Variants in INPP4B observed in about 807,000 individuals in gnomAD.
INPP4B encodes inositol polyphosphate 4-phosphatase type II.
A neutral mutation model predicts 122.5 loss-of-function variants in INPP4B; 55 were observed. That is an observed-to-expected ratio of 0.45 (90% CI 0.36 to 0.56). The LOEUF (loss-of-function observed/expected upper bound fraction) is 0.56. Among genes scored for constraint, INPP4B ranks in the 20% least tolerant of loss-of-function variants. The probability of loss-of-function intolerance (pLI) is 0.00; values close to 1 mark genes in which losing one functional copy is unlikely to be tolerated. For missense variants in INPP4B, 1,000 were observed against 1,097.7 expected (o/e 0.91, Z 1.26); for synonymous variants, 403 against 388.7 (o/e 1.04, Z -0.43).
At chr4:142,259,826 CA>C (rs1473343360) in intron 11 of INPP4B, among the ~76,000 whole-genome samples, 2 of 151,788 alleles carry the variant, frequency 1.3e-5, no homozygotes, top group Non-Finnish European at 2.9e-5. Context: ...AAAACTGAGA[CA>C]AAAACACACA....
intron 23 of INPP4B, among the ~76,000 whole-genome samples, chr4:142,094,315 C>T (rs1017653809): frequency 1.3e-5 from 2 of 152,170 alleles, no homozygotes; most frequent in Non-Finnish European, 2.9e-5. Context: ...TGCCCATACT[C>T]AAGTGGCCTA....
At chr4:142,841,155 T>A (rs907565649) in intron 1 of INPP4B, among the ~76,000 whole-genome samples, 13 of 152,142 alleles carry the variant, frequency 8.5e-5, no homozygotes, top group African/African-American at 3.1e-4. Context: ...AAGTTTCGCA[T>A]AAGAAGATGT....
chr4:142,654,410 T>C (rs1346778555), intron 2 of INPP4B: 1 of 143,554 alleles, frequency 7.0e-6, no homozygotes, highest in African/African-American at 2.6e-5. Context: ...GTTAGAGAAC[T>C]GAGACCATAA....
chr4:142,616,552 T>C (rs1182647169), intron 2 of INPP4B, among the ~76,000 whole-genome samples: 1 of 152,176 alleles, frequency 6.6e-6, no homozygotes, highest in Admixed American at 6.6e-5. Flanking sequence ...ACCCCAACAC[T>C]TCTAAATTTT....
At chr4:142,673,531 A>G (rs758231173) in intron 2 of INPP4B, among the ~76,000 whole-genome samples, 15 of 151,898 alleles carry the variant, frequency 9.9e-5, no homozygotes, top group Non-Finnish European at 2.2e-4. Flanking sequence ...ATTTCCTTGT[A>G]CTCTCCCACC....
At chr4:142,801,760 T>C (rs1778030273) in intron 1 of INPP4B, among the ~76,000 whole-genome samples, 1 of 152,098 alleles carries the variant, frequency 6.6e-6, no homozygotes, top group Non-Finnish European at 1.5e-5. Flanking sequence ...CTCCCAGATT[T>C]TTAGTTTCAG....
At chr4:142,672,257 GGA>G (rs965517164) in intron 2 of INPP4B, among the ~76,000 whole-genome samples, 13 of 152,154 alleles carry the variant, frequency 8.5e-5, no homozygotes, top group Non-Finnish European at 2.9e-5. Flanking sequence ...TCAGTGAATA[GGA>G]GAGAGATTGG....
chr4:142,590,453 A>G lies in INPP4B; in HGVS notation c.-190-127727T>C, dbSNP rs1476639545. On this transcript the variant is annotated intron_variant, in intron 2 of 25. Coordinates refer to ENST00000262992, the MANE Select transcript of INPP4B (RefSeq NM_001101669.3). ...GATCTGTACATAAGCACTGTACTCT[A>G]GTTGATAAAATTGCTTGGCCCATAG... 2.0e-5 allele frequency among the ~76,000 whole-genome samples: 3 copies of G among 152,222 alleles called. 1 individual carries two copies. Among genetic ancestry groups the G allele is most frequent in the South Asian group, 4.1e-4 (2 of 4,828 alleles).
intron 2 of INPP4B, among the ~76,000 whole-genome samples, chr4:142,513,446 C>T (rs1011165887): frequency 6.6e-6 from 1 of 151,764 alleles, no homozygotes; most frequent in Non-Finnish European, 1.5e-5. Flanking sequence ...TCCCTCTTGT[C>T]CCCCAGGCTG....
In INPP4B at chr4:142,027,316, G is replaced by C. The variant is rs923536310; in HGVS notation, c.*1466C>G. 3 of 152,180 alleles carry C rather than the reference G, an allele frequency of 2.0e-5. No individual in the cohort carries two copies. Among genetic ancestry groups the C allele is most frequent in the African/African-American group, 7.2e-5 (3 of 41,446 alleles). 9.4% of individuals were successfully genotyped at this position (152,180 alleles called of 1,614,324 possible). ...TTATTTCAACAGGAATCCTAGGCAAGGAGCTATCACATTAGCTATGGGAAG... is the reference window on the plus strand; with the variant it reads ...TTATTTCAACAGGAATCCTAGGCAACGAGCTATCACATTAGCTATGGGAAG... On this transcript the variant is annotated 3_prime_UTR_variant, in exon 26 of 26. Transcript: ENST00000262992.
chr4:142,418,186 T>C (rs1472199468), intron 5 of INPP4B, among the ~76,000 whole-genome samples: 1 of 152,162 alleles, frequency 6.6e-6, no homozygotes, highest in Non-Finnish European at 1.5e-5. Context: ...AAATATAATA[T>C]ATTCATTTGC....
intron 2 of INPP4B, among the ~76,000 whole-genome samples, chr4:142,683,988 C>T (rs1560957958): frequency 1.3e-5 from 2 of 151,972 alleles, no homozygotes; most frequent in South Asian, 4.2e-4. Context: ...CAAAGGAGAA[C>T]ATGGTGTGTT....
At chr4:142,720,706 C>T (rs1247141695) in intron 2 of INPP4B, among the ~76,000 whole-genome samples, 1 of 61,612 alleles carries the variant, frequency 1.6e-5, no homozygotes, top group African/African-American at 5.5e-5. Flanking sequence ...ATATGAACAG[C>T]CAACTGTATA....
intron 17 of INPP4B, among the ~76,000 whole-genome samples, chr4:142,147,451 G>A (rs1397285511): frequency 1.3e-5 from 2 of 152,118 alleles, no homozygotes; most frequent in Non-Finnish European, 2.9e-5. Flanking sequence ...TTCAAAGTTA[G>A]CACAGGTAAT....
intron 7 of INPP4B, among the ~76,000 whole-genome samples, chr4:142,391,017 T>C (rs1797496060): frequency 6.6e-6 from 1 of 152,210 alleles, no homozygotes; most frequent in Non-Finnish European, 1.5e-5. Context: ...CTTTAATGAA[T>C]ATAAACCAGA....
chr4:142,528,784 C>A (rs979214042), intron 2 of INPP4B, among the ~76,000 whole-genome samples: 2 of 152,160 alleles, frequency 1.3e-5, no homozygotes, highest in Admixed American at 1.3e-4. Flanking sequence ...CCTGTTTTTA[C>A]CTGAAAACAT....
At chr4:142,713,256 T>G (rs1763334706) in intron 2 of INPP4B, among the ~76,000 whole-genome samples, 1 of 152,200 alleles carries the variant, frequency 6.6e-6, no homozygotes, top group South Asian at 2.1e-4. Flanking sequence ...TGGGATCAAT[T>G]TTGAACTAAG....
intron 2 of INPP4B, among the ~76,000 whole-genome samples, chr4:142,494,606 T>G (rs1250204049): frequency 6.6e-6 from 1 of 152,218 alleles, no homozygotes; most frequent in Non-Finnish European, 1.5e-5. Flanking sequence ...AGAACTCTGA[T>G]TGATAGCTTT....
At chr4:142,060,513 A>T (rs1476534032) in intron 25 of INPP4B, among the ~76,000 whole-genome samples, 1 of 152,190 alleles carries the variant, frequency 6.6e-6, no homozygotes, top group Non-Finnish European at 1.5e-5. Context: ...GAATAAAGAA[A>T]TGAATGTAAA....
Sources: gnomAD v4.1 joint callset for allele counts (sites outside exome capture counted in the v4.1 genomes callset) on GRCh38, gnomAD v4.1.1 for gene constraint, MANE v1.5 for transcripts, NCBI Gene and HGNC (gene_info 2026-07-23, HGNC 2026-07-21) for gene names.